The following RALYL variants were observed in gnomAD, a reference collection of about 807,000 sequenced individuals.
RALYL encodes the protein RNA-binding Raly-like protein.
A neutral mutation model predicts 35.1 loss-of-function variants in RALYL; 29 were observed. That is an observed-to-expected ratio of 0.83 (90% CI 0.61 to 1.13). The LOEUF (loss-of-function observed/expected upper bound fraction) is 1.13. Among genes scored for constraint, RALYL ranks in the 50% most tolerant of loss-of-function variants. The probability of loss-of-function intolerance (pLI) is 0.00; values close to 1 mark genes in which losing one functional copy is unlikely to be tolerated. For missense variants in RALYL, 359 were observed against 360.4 expected (o/e 1.00, Z 0.03); for synonymous variants, 120 against 127.6 (o/e 0.94, Z 0.40).
At chr8:84,574,154 G>T (rs1808745957) in intron 2 of RALYL, among the ~76,000 whole-genome samples, 1 of 151,840 alleles carries the variant, frequency 6.6e-6, no homozygotes, top group South Asian at 2.1e-4. Context: ...GTTTCTTTTT[G>T]AGGCATATTT....
intron 2 of RALYL, among the ~76,000 whole-genome samples, chr8:84,646,098 G>C (rs1042514803): frequency 6.6e-6 from 1 of 151,650 alleles, no homozygotes; most frequent in Non-Finnish European, 1.5e-5. Context: ...TTAGTGAAAG[G>C]CTCCAGATAT....
At position 84,223,214 on chromosome 8, in the gene RALYL, TTCCCTTCCCTTCC is replaced by T. The variant is rs1223485469; in HGVS notation, c.-24+38791_-24+38803del. On this transcript the variant is annotated intron_variant, in intron 1 of 8. Transcript: ENST00000521268. ...CCTTCCCTTCCCTTCCATTCCTCCC[TTCCCTTCCCTTCC>T]CTTCCCTTCCCTTCCCTTCCTTCTT... Among the ~76,000 whole-genome samples the T allele has an allele frequency of 2.5e-3, 124 of 49,058 alleles. 3 individuals carry two copies. The highest frequency in any genetic ancestry group is 4.9e-3 in the Admixed American group (24 of 4,904). 32.2% of individuals were successfully genotyped at this position (49,058 alleles called of 152,430 possible).
At chr8:84,266,769 G>T (rs1440630493) in intron 1 of RALYL, among the ~76,000 whole-genome samples, 1 of 151,908 alleles carries the variant, frequency 6.6e-6, no homozygotes, top group Non-Finnish European at 1.5e-5. Context: ...GACCATCCGG[G>T]CTAACACGGT....
At chr8:84,385,635 C>G (rs188543862) in intron 1 of RALYL, among the ~76,000 whole-genome samples, 7 of 151,810 alleles carry the variant, frequency 4.6e-5, no homozygotes, top group South Asian at 2.1e-4. Context: ...CTTCCACATG[C>G]CTTCTCCTCA....
chr8:84,715,874 T>A (rs1335196562), intron 2 of RALYL, among the ~76,000 whole-genome samples: 1 of 152,140 alleles, frequency 6.6e-6, no homozygotes, highest in Non-Finnish European at 1.5e-5. Flanking sequence ...GTGTAAATAT[T>A]GACTCAAAGT....
intron 1 of RALYL, among the ~76,000 whole-genome samples, chr8:84,260,960 A>G (rs1313659958): frequency 2.6e-5 from 4 of 152,170 alleles, no homozygotes; most frequent in Non-Finnish European, 5.9e-5. Flanking sequence ...ACATTTTCTG[A>G]TAAGTGGCAG....
chr8:84,458,121 T>A (rs2050344261), intron 1 of RALYL, among the ~76,000 whole-genome samples: 1 of 151,872 alleles, frequency 6.6e-6, no homozygotes, highest in South Asian at 2.1e-4. Context: ...GACCTCAACT[T>A]AATTCTTTCA....
At chr8:84,649,666 C>A (rs1169156262) in intron 2 of RALYL, among the ~76,000 whole-genome samples, 2 of 152,002 alleles carry the variant, frequency 1.3e-5, no homozygotes, top group Non-Finnish European at 2.9e-5. Context: ...CAGTACCATG[C>A]TGTTTTGGTT....
At chr8:84,879,185 A>T (rs1337847723) in intron 7 of RALYL, among the ~76,000 whole-genome samples, 5 of 152,166 alleles carry the variant, frequency 3.3e-5, no homozygotes, top group African/African-American at 1.2e-4. Flanking sequence ...AGAACTGCTC[A>T]AAAGCTCTGG....
At chr8:84,491,020 A>G (rs1175534473) in intron 1 of RALYL, among the ~76,000 whole-genome samples, 1 of 152,020 alleles carries the variant, frequency 6.6e-6, no homozygotes, top group Non-Finnish European at 1.5e-5. Context: ...GGAAGCATTT[A>G]TGATCAAAAC....
At chr8:84,252,773 AT>A (rs1478052406) in intron 1 of RALYL, among the ~76,000 whole-genome samples, 1 of 152,088 alleles carries the variant, frequency 6.6e-6, no homozygotes, top group Non-Finnish European at 1.5e-5. Context: ...CTAACTGTTG[AT>A]GGTTTTTAAT....
At chr8:84,296,623 ATTTTTT>A (rs397891420) in intron 1 of RALYL, among the ~76,000 whole-genome samples, 2,405 of 76,674 alleles carry the variant, frequency 0.031, 43 homozygotes, top group Non-Finnish European at 0.04. Context: ...TCTCTCTTGC[ATTTTTT>A]TTTTTTTTTT....
intron 7 of RALYL, among the ~76,000 whole-genome samples, chr8:84,881,572 C>T (rs1470234074): frequency 1.3e-5 from 2 of 151,946 alleles, no homozygotes; most frequent in Non-Finnish European, 2.9e-5. Flanking sequence ...CCCAACAATT[C>T]TAACTTGTTT....
intron 1 of RALYL, among the ~76,000 whole-genome samples, chr8:84,253,364 AT>A (rs535716220): frequency 0.01 from 1,015 of 99,474 alleles, 2 homozygotes; most frequent in Middle Eastern, 0.012. Context: ...TAATTTTTGT[AT>A]TTTTTTTTTT....
At chr8:84,773,590 C>T (rs1816085798) in intron 2 of RALYL, among the ~76,000 whole-genome samples, 1 of 145,732 alleles carries the variant, frequency 6.9e-6, no homozygotes, top group Non-Finnish European at 1.5e-5. Flanking sequence ...TGTTTTGTCA[C>T]ATACTTAAAC....
intron 1 of RALYL, among the ~76,000 whole-genome samples, chr8:84,477,623 AATG>A (rs1476499582): frequency 1.3e-5 from 2 of 151,296 alleles, no homozygotes; most frequent in African/African-American, 2.4e-5. Context: ...TAAACTCAAT[AATG>A]ATGACCTCCA....
chr8:84,639,495 C>CT (rs528776921), intron 2 of RALYL, among the ~76,000 whole-genome samples: 221 of 152,052 alleles, frequency 1.5e-3, no homozygotes, highest in Non-Finnish European at 2.7e-3. Context: ...TTGTCTGACT[C>CT]TTTTCTTGCT....
intron 1 of RALYL, among the ~76,000 whole-genome samples, chr8:84,479,037 G>A: frequency 8.5e-6 from 1 of 117,688 alleles, no homozygotes; most frequent in Non-Finnish European, 1.6e-5. Context: ...AGTGAACCGA[G>A]ATTGCACCAC....
chr8:84,635,271 A>G (rs1421695823), intron 2 of RALYL, among the ~76,000 whole-genome samples: 4 of 151,758 alleles, frequency 2.6e-5, no homozygotes, highest in Non-Finnish European at 5.9e-5. Flanking sequence ...AAAAGGTAAA[A>G]TAAGTCCAAT....
Sources: gnomAD v4.1 joint callset for allele counts (sites outside exome capture counted in the v4.1 genomes callset) on GRCh38, gnomAD v4.1.1 for gene constraint, MANE v1.5 for transcripts, NCBI Gene and HGNC (gene_info 2026-07-23, HGNC 2026-07-21) for gene names.